The following KBTBD2 variants were observed in gnomAD, a reference collection of about 807,000 sequenced individuals.
KBTBD2 encodes kelch repeat and BTB domain-containing protein 2.
Under a neutral mutation model 57.1 loss-of-function variants are expected in KBTBD2, and 17 were observed. The ratio of observed to expected loss-of-function variants is 0.30; its 90% CI spans 0.20 to 0.45. The LOEUF (loss-of-function observed/expected upper bound fraction) is 0.45. Ranked by LOEUF, KBTBD2 falls within the 20% of genes least tolerant of loss-of-function variation. The pLI, the probability that KBTBD2 is intolerant of heterozygous loss-of-function variation, is 1.00. For synonymous variants in KBTBD2, 267 were observed against 262.7 expected, an observed-to-expected ratio of 1.02 and a Z score of -0.16; for missense variants, 515 against 750.6, an observed-to-expected ratio of 0.69 and a Z score of 3.67.
chr7:32,878,785 T>C (rs1287701156), intron 2 of KBTBD2, among the ~76,000 whole-genome samples: 2 of 152,194 alleles, frequency 1.3e-5, no homozygotes, highest in Admixed American at 1.3e-4. Flanking sequence ...TGGCTTCTAT[T>C]CTGCTCAGGA....
At chr7:32,888,354 A>G (rs1784634544) in intron 1 of KBTBD2, among the ~76,000 whole-genome samples, 1 of 152,198 alleles carries the variant, frequency 6.6e-6, no homozygotes, top group African/African-American at 2.4e-5. Flanking sequence ...TCATAAAACA[A>G]GCCTTTCTTT....
chr7:32,882,918 G>A (rs972163848), intron 1 of KBTBD2, among the ~76,000 whole-genome samples: 11 of 152,322 alleles, frequency 7.2e-5, no homozygotes, highest in African/African-American at 2.4e-4. Flanking sequence ...CTGGCAGACG[G>A]AGGTTGCAGT....
In KBTBD2 at chr7:32,870,637, C is replaced by T. The variant is rs756027234; in HGVS notation, c.580G>A (p.Val194Ile). 3.4e-5 allele frequency: 55 copies of T among 1,613,946 alleles called. No homozygotes were observed. Among genetic ancestry groups the T allele is most frequent in the Middle Eastern group, 3.3e-4 (2 of 6,082 alleles). ...DNLNVEKEET[V>I]REAAMLWLEY... ...AGCCACAGCATAGCAGCTTCTCGAACGGTTTCTTCCTTTTCTACATTTAAA... is the reference window on the plus strand; with the variant it reads ...AGCCACAGCATAGCAGCTTCTCGAATGGTTTCTTCCTTTTCTACATTTAAA... Residue 194 changes from valine (V) to isoleucine (I), a missense_variant, in exon 4 of 4, where the codon GTT (valine) becomes ATT (isoleucine). Coordinates refer to ENST00000304056, the MANE Select transcript of KBTBD2 (RefSeq NM_015483.3).
Position 32,869,966 on chromosome 7 carries a change from A to G in KBTBD2, c.1251T>C (p.Cys417=). The change falls in exon 4 of 4, where the codon TGT becomes TGC. Residue 417 remains cysteine, a synonymous_variant. Transcript: ENST00000304056. ...CAACTGCTGCACTCCATTGCCAAGC[A>G]CAAGGTAAAGGGCTTACCATCGTCC... ...DEWTMVSPLP[C]AWQWSAAVVV... 2 of 1,614,144 alleles carry G rather than the reference A, an allele frequency of 1.2e-6. No homozygotes were observed. The highest frequency in any genetic ancestry group is 1.7e-6 in the Non-Finnish European group (2 of 1,180,024).
chr7:32,885,745 G>A (rs1033337389), intron 1 of KBTBD2, among the ~76,000 whole-genome samples: 2 of 152,082 alleles, frequency 1.3e-5, no homozygotes, highest in African/African-American at 2.4e-5. Context: ...TCTTAATAAA[G>A]TGCAATGTAC....
In KBTBD2 at chr7:32,869,948, T is replaced by C. The variant is rs1784132136; in HGVS notation, c.1269A>G (p.Ala423=). The C allele has an allele frequency of 6.2e-6, 10 of 1,614,132 alleles. 1 individual carries two copies. Among genetic ancestry groups the C allele is most frequent in the Middle Eastern group, 1.6e-4 (1 of 6,062 alleles). ...AAATGCAGTCATGAACCACAACTGC[T>C]GCACTCCATTGCCAAGCACAAGGTA... is the stretch of plus-strand genomic sequence containing the variant. ...SPLPCAWQWS[A]AVVVHDCIYV... is the part of the protein sequence containing the mutation. Residue 423 remains alanine (A), a synonymous_variant, in exon 4 of 4, where the codon GCA becomes GCG. Transcript: ENST00000304056.
intron 1 of KBTBD2, among the ~76,000 whole-genome samples, chr7:32,884,019 C>T (rs1156326461): frequency 6.6e-6 from 1 of 152,166 alleles, no homozygotes; most frequent in Non-Finnish European, 1.5e-5. Context: ...TTCTTTCAAA[C>T]TTTTAATAGA....
At chr7:32,876,248 C>T (rs1054595780) in intron 2 of KBTBD2, among the ~76,000 whole-genome samples, 2 of 152,146 alleles carry the variant, frequency 1.3e-5, no homozygotes, top group African/African-American at 4.8e-5. Context: ...TCACAACAGT[C>T]ACTAACTTGG....
intron 3 of KBTBD2, among the ~76,000 whole-genome samples, chr7:32,873,013 T>C (rs1434134076): frequency 6.6e-6 from 1 of 152,194 alleles, no homozygotes; most frequent in African/African-American, 2.4e-5. Context: ...GTGTCATGCA[T>C]ACTCATTCAG....
At position 32,870,736 on chromosome 7, in the gene KBTBD2, T is replaced by G; in HGVS notation, c.481A>C (p.Thr161Pro). The G allele has an allele frequency of 6.2e-7, 1 of 1,614,244 alleles. No homozygotes were observed. Among genetic ancestry groups the G allele is most frequent in the South Asian group, 1.1e-5 (1 of 91,090 alleles). Residue 161 changes from threonine to proline, a missense_variant, in exon 4 of 4, where the codon ACT becomes CCT. Transcript: ENST00000304056. ...AACGCGTCCTGATGATACACAGCAGTGAACTTGTGCTCCACCATTCTTTTA... is the reference window on the plus strand; with the variant it reads ...AACGCGTCCTGATGATACACAGCAGGGAACTTGTGCTCCACCATTCTTTTA... ...SAKRMVEHKFTAVYHQDAFMQ... is the reference protein window; with the variant it reads ...SAKRMVEHKFPAVYHQDAFMQ...
At position 32,869,635 on chromosome 7, in the gene KBTBD2, C is replaced by A; in HGVS notation, c.1582G>T (p.Val528Phe). The change falls in exon 4 of 4, where the codon GTT (valine) becomes TTT (phenylalanine). Residue 528 changes from valine to phenylalanine, a missense_variant. Transcript: ENST00000304056. ...KRYSDPCVRA[V>F]VISNSLCVFM... is the part of the protein sequence containing the mutation. The stretch of plus-strand genomic sequence containing the variant: ...ACACATAGAGAATTTGAGATCACAA[C>A]AGCTCTAACACAGGGGTCAGAGTAC... 6.2e-7 allele frequency: 1 copy of A among 1,614,166 alleles called. No homozygotes were observed. The highest frequency in any genetic ancestry group is 1.1e-5 in the South Asian group (1 of 91,082).
chr7:32,872,758 C>T, intron 3 of KBTBD2, among the ~76,000 whole-genome samples: 1 of 152,170 alleles, frequency 6.6e-6, no homozygotes, highest in East Asian at 1.9e-4. Flanking sequence ...TGACATGACA[C>T]TTGAAATACT....
At position 32,870,064 on chromosome 7, in the gene KBTBD2, T is replaced by C. The variant is rs1784135972; in HGVS notation, c.1153A>G (p.Ile385Val). The C allele has an allele frequency of 1.2e-6, 2 of 1,614,042 alleles. No individual in the cohort carries two copies. The highest frequency in any genetic ancestry group is 1.7e-6 in the Non-Finnish European group (2 of 1,180,010). Residue 385 changes from isoleucine (I) to valine (V), a missense_variant, in exon 4 of 4, where the codon ATT (isoleucine) becomes GTT (valine). By Grantham distance (29) the Ile-to-Val change is conservative (BLOSUM62 3). Transcript: ENST00000304056. ...TCTCCACCTACGCTATCTCCTCCAA[T>C]TGCATAGATATAGCCTTCACAGCAA... ...LVCCEGYIYA[I>V]GGDSVGGELN...
chr7:32,875,287 T>C, intron 2 of KBTBD2, 130 bp from the exon 3 acceptor site: 1 of 807,680 alleles, frequency 1.2e-6, no homozygotes, highest in East Asian at 2.7e-5. Flanking sequence ...TTTTTCTTTT[T>C]TTGAGACAGG....
chr7:32,869,581 G>A lies in KBTBD2; in HGVS notation c.1636C>T (p.Arg546Ter). The part of the protein sequence containing the change: ...VFMRETHLNE[R>*]AKYVTYQYDL... ...TATTGGTAGGTGACGTATTTAGCTCGCTCATTTAAGTGGGTTTCTCGCATA... is the reference window on the plus strand; with the variant it reads ...TATTGGTAGGTGACGTATTTAGCTCACTCATTTAAGTGGGTTTCTCGCATA... Residue 546 changes from arginine (R) to a stop codon, truncating the protein, a stop_gained, in exon 4 of 4, where the codon CGA (arginine) becomes TGA (stop). Coordinates refer to ENST00000304056, the MANE Select transcript of KBTBD2 (RefSeq NM_015483.3). LOFTEE classifies it high-confidence loss of function. 2.5e-6 allele frequency: 4 copies of A among 1,614,152 alleles called. No individual in the cohort carries two copies. Among genetic ancestry groups the A allele is most frequent in the Non-Finnish European group, 3.4e-6 (4 of 1,180,020 alleles).
Position 32,870,264 on chromosome 7 carries a change from A to G in KBTBD2, c.953T>C (p.Ile318Thr). Residue 318 changes from isoleucine to threonine, a missense_variant, in exon 4 of 4, where the codon ATC (isoleucine) becomes ACC (threonine). Coordinates refer to ENST00000304056, the MANE Select transcript of KBTBD2 (RefSeq NM_015483.3). ...VGTVVTPDNDIYIAGGQVPLK... is the reference protein window; with the variant it reads ...VGTVVTPDNDTYIAGGQVPLK... ...AGGAACTTGACCCCCTGCTATGTAG[A>G]TATCATTATCAGGAGTTACAACGGT... 6.2e-7 allele frequency: 1 copy of G among 1,614,148 alleles called. No homozygotes were observed. Among genetic ancestry groups the G allele is most frequent in the Non-Finnish European group, 8.5e-7 (1 of 1,180,034 alleles).
intron 1 of KBTBD2, among the ~76,000 whole-genome samples, chr7:32,889,471 C>T (rs754617028): frequency 6.6e-6 from 1 of 151,716 alleles, no homozygotes; most frequent in African/African-American, 2.4e-5. Context: ...CCTGGTGGGG[C>T]GCGCCTGTAA....
chr7:32,878,868 T>A (rs1784380931), intron 2 of KBTBD2, among the ~76,000 whole-genome samples: 1 of 152,034 alleles, frequency 6.6e-6, no homozygotes, highest in Admixed American at 6.6e-5. Context: ...TAGCAAAGAG[T>A]AACTAAATTA....
At position 32,875,139 on chromosome 7, in the gene KBTBD2, T is replaced by C; in HGVS notation, c.189A>G (p.Gly63=). 1 of 1,614,120 alleles carries C rather than the reference T, an allele frequency of 6.2e-7. No individual in the cohort carries two copies. Among genetic ancestry groups the C allele is most frequent in the Non-Finnish European group, 8.5e-7 (1 of 1,179,980 alleles). ...CATGGGTTTGTTTGCTTTCACTTAG[T>C]CCACTCATAAACATGGCCCTACAGG... ...SSYFRAMFMS[G]LSESKQTHVH... is the part of the protein sequence containing the mutation. Residue 63 remains glycine, a synonymous_variant, in exon 3 of 4, where the codon GGA becomes GGG. Transcript: ENST00000304056.
Sources: allele counts gnomAD v4.1 joint callset (sites outside exome capture counted in the v4.1 genomes callset), GRCh38; gene constraint gnomAD v4.1.1; transcripts MANE v1.5; gene names NCBI Gene and HGNC (gene_info 2026-07-23, HGNC 2026-07-21).